EFCAB5: variants seen among roughly 807,000 people sequenced by gnomAD.
The protein encoded by EFCAB5 is EF-hand calcium-binding domain-containing protein 5.
In EFCAB5, 131 loss-of-function variants were observed where a neutral mutation model predicts 167.9. The observed-to-expected ratio is 0.78, with a 90% CI of 0.68 to 0.90. The LOEUF (loss-of-function observed/expected upper bound fraction) is 0.90, where lower values mean the gene tolerates loss of function less well. Ranked by LOEUF, EFCAB5 falls within the 40% of genes least tolerant of loss-of-function variation. The pLI, the probability that EFCAB5 is intolerant of heterozygous loss-of-function variation, is 0.00. For missense variants in EFCAB5, 1,663 were observed against 1,745.2 expected (o/e 0.95, Z 0.84); for synonymous variants, 574 against 602.8 (o/e 0.95, Z 0.70).
intron 4 of EFCAB5, among the ~76,000 whole-genome samples, chr17:29,992,676 T>TATCCATTTGTCTGTTGGAGGAC (rs2068447534): frequency 6.6e-6 from 1 of 152,206 alleles, no homozygotes; most frequent in Non-Finnish European, 1.5e-5. Flanking sequence ...ACATTTCTTC[T>TATCCATTTGTCTGTTGGAGGAC]ATCCATTTGT....
At chr17:30,102,649 T>C (rs2071397023) in intron 22 of EFCAB5, among the ~76,000 whole-genome samples, 1 of 152,176 alleles carries the variant, frequency 6.6e-6, no homozygotes, top group Admixed American at 6.5e-5. Context: ...AAAAGCATTA[T>C]CCATTCAATT....
intron 8 of EFCAB5, among the ~76,000 whole-genome samples, chr17:30,042,362 C>CTTTATCGCAATATTCAT (rs1366372469): frequency 6.6e-6 from 1 of 152,108 alleles, no homozygotes; most frequent in Non-Finnish European, 1.5e-5. Flanking sequence ...GTGTGACTCA[C>CTTTATCGCAATATTCAT]TTTATTGCAA....
chr17:29,987,260 T>C (rs897288688), intron 4 of EFCAB5, among the ~76,000 whole-genome samples: 11 of 152,060 alleles, frequency 7.2e-5, no homozygotes, highest in Non-Finnish European at 1.6e-4. Flanking sequence ...ACAGTTGGAG[T>C]CTTCCTCAGC....
At chr17:30,046,976 G>T (rs1170495389) in intron 8 of EFCAB5, among the ~76,000 whole-genome samples, 1 of 152,192 alleles carries the variant, frequency 6.6e-6, no homozygotes, top group Non-Finnish European at 1.5e-5. Flanking sequence ...GCAGCAGAAA[G>T]CTGGGGAATA....
In EFCAB5 at chr17:29,977,316, G is replaced by A. The variant is rs116648506; in HGVS notation, c.767+7949G>A. On this transcript the variant is annotated intron_variant, in intron 4 of 22. Transcript: ENST00000394835. ...AAAATTCATAAAACTATGTGCCAAA[G>A]AAGGTAAATTTTACTGTATGATATT... Among the ~76,000 whole-genome samples, 933 of 152,218 alleles carry A rather than the reference G, an allele frequency of 6.1e-3. 7 individuals carry two copies. The highest frequency in any genetic ancestry group is 0.021 in the African/African-American group (891 of 41,552).
chr17:30,046,349 A>G (rs967277607), intron 8 of EFCAB5, among the ~76,000 whole-genome samples: 5 of 152,218 alleles, frequency 3.3e-5, no homozygotes, highest in African/African-American at 1.2e-4. Context: ...TACAATAGTG[A>G]TGACCCCTGG....
chr17:30,016,631 T>C (rs1223273553), intron 7 of EFCAB5, among the ~76,000 whole-genome samples: 1 of 152,170 alleles, frequency 6.6e-6, no homozygotes, highest in African/African-American at 2.4e-5. Context: ...GCCTTATAAG[T>C]TCCAAAAGGT....
At chr17:30,005,991 C>A (rs2068766220) in intron 7 of EFCAB5, among the ~76,000 whole-genome samples, 1 of 152,232 alleles carries the variant, frequency 6.6e-6, no homozygotes, top group Non-Finnish European at 1.5e-5. Flanking sequence ...AACCTGCAAA[C>A]CCCTGCTTCA....
Position 29,969,128 on chromosome 17 carries a change from C to A in EFCAB5, c.528C>A (p.Asp176Glu), listed in dbSNP as rs189462490. 13 of 1,613,788 alleles carry A rather than the reference C, an allele frequency of 8.1e-6. No homozygotes were observed. The African/African-American group carries it at 1.7e-4, about 22-fold the overall frequency. ...TGAATAATACTGCATATTTGCTTGA[C>A]AAACTTCTACCCACCTTAGTTCCTG... ...MTLNNTAYLLDKLLPTLVPGV... is the reference protein window; with the variant it reads ...MTLNNTAYLLEKLLPTLVPGV... Residue 176 changes from aspartate (D) to glutamate (E), a missense_variant, in exon 4 of 23, where the codon GAC (aspartate) becomes GAA (glutamate). Transcript: ENST00000394835.
chr17:30,057,422 G>T (rs1201068585), intron 12 of EFCAB5, among the ~76,000 whole-genome samples: 1 of 152,164 alleles, frequency 6.6e-6, no homozygotes, highest in Non-Finnish European at 1.5e-5. Flanking sequence ...TATCATATAT[G>T]AATTGTTAGC....
chr17:30,106,678 A>G (rs1238415026), intron 22 of EFCAB5, among the ~76,000 whole-genome samples: 3 of 152,118 alleles, frequency 2.0e-5, no homozygotes, highest in Non-Finnish European at 2.9e-5. Context: ...GCTGATCTCA[A>G]ACTCCTGACC....
chr17:30,078,508 C>T lies in EFCAB5; in HGVS notation c.3027+4C>T, dbSNP rs767153415. 9 of 1,573,714 alleles carry T rather than the reference C, an allele frequency of 5.7e-6. No homozygotes were observed. Among genetic ancestry groups the T allele is most frequent in the Admixed American group, 3.7e-5 (2 of 54,200 alleles). Reference sequence around the variant, plus strand: ...GACCTTTAAGGCCCTCATGCAGGTACGTTTCCTAAAGCAGTATGTAAGAGG... The same window carrying T: ...GACCTTTAAGGCCCTCATGCAGGTATGTTTCCTAAAGCAGTATGTAAGAGG... On this transcript the variant is annotated splice_donor_region_variant and intron_variant, in intron 15 of 22. Transcript: ENST00000394835.
At chr17:30,066,730 G>T (rs1414240543) in intron 14 of EFCAB5, among the ~76,000 whole-genome samples, 2 of 151,690 alleles carry the variant, frequency 1.3e-5, no homozygotes, top group East Asian at 3.9e-4. Context: ...AAAACAAAAA[G>T]TTGGTTTTGT....
chr17:30,010,854 G>A (rs557222232), intron 7 of EFCAB5, among the ~76,000 whole-genome samples: 1 of 152,158 alleles, frequency 6.6e-6, no homozygotes, highest in South Asian at 2.1e-4. Flanking sequence ...CATTGCTTTT[G>A]GTGTTTTATT....
intron 22 of EFCAB5, among the ~76,000 whole-genome samples, chr17:30,094,534 AT>A (rs1597568763): frequency 6.3e-5 from 9 of 142,564 alleles, no homozygotes; most frequent in East Asian, 2.0e-4. Context: ...AAAAAAAAAA[AT>A]AACTGGGTGT....
At position 29,969,275 on chromosome 17, in the gene EFCAB5, T is replaced by C. The variant is rs1243931952; in HGVS notation, c.675T>C (p.Tyr225=). Residue 225 remains tyrosine (Y), a synonymous_variant, in exon 4 of 23, where the codon TAT becomes TAC. Coordinates refer to ENST00000394835, the MANE Select transcript of EFCAB5 (RefSeq NM_198529.4). The stretch of plus-strand genomic sequence containing the variant: ...ATTTAATAAGAAACAATCCTAATTA[T>C]ATCAAAGACCCAGGAATGTCTGGTT... The part of the protein sequence containing the change: ...GEYLIRNNPN[Y]IKDPGMSGYQ... The C allele has an allele frequency of 1.2e-6, 2 of 1,613,656 alleles. No individual in the cohort carries two copies. Among genetic ancestry groups the C allele is most frequent in the South Asian group, 1.1e-5 (1 of 91,020 alleles).
At chr17:30,002,388 C>T (rs1362281407) in intron 7 of EFCAB5, among the ~76,000 whole-genome samples, 1 of 152,072 alleles carries the variant, frequency 6.6e-6, no homozygotes, top group African/African-American at 2.4e-5. Flanking sequence ...GTTACCACCA[C>T]CAAAATTAAG....
chr17:30,043,820 C>T (rs1597717473), intron 8 of EFCAB5, among the ~76,000 whole-genome samples: 1 of 152,194 alleles, frequency 6.6e-6, no homozygotes, highest in East Asian at 1.9e-4. Context: ...CCTACAAATC[C>T]AACACAATTC....
chr17:30,069,929 G>A (rs540947525), intron 14 of EFCAB5, among the ~76,000 whole-genome samples: 16 of 152,326 alleles, frequency 1.1e-4, no homozygotes, highest in African/African-American at 2.4e-4. Context: ...GCTGGAGCTG[G>A]TGATTAGCTG....
Sources: gnomAD v4.1 joint callset for allele counts (sites outside exome capture counted in the v4.1 genomes callset) on GRCh38, gnomAD v4.1.1 for gene constraint, MANE v1.5 for transcripts, NCBI Gene and HGNC (gene_info 2026-07-23, HGNC 2026-07-21) for gene names.